The following TTC31 variants were observed in gnomAD, a reference collection of about 807,000 sequenced individuals.
The protein encoded by TTC31 is tetratricopeptide repeat protein 31.
A neutral mutation model predicts 60.4 loss-of-function variants in TTC31; 59 were observed. That is an observed-to-expected ratio of 0.98 (90% confidence interval 0.79 to 1.21). The LOEUF (loss-of-function observed/expected upper bound fraction) is 1.21, where lower values mean the gene tolerates loss of function less well. TTC31 is among the 50% of genes most tolerant of loss of function. The probability of loss-of-function intolerance (pLI) is 0.00; values close to 1 mark genes in which losing one functional copy is unlikely to be tolerated. For synonymous variants in TTC31, 225 were observed against 249.6 expected, an observed-to-expected ratio of 0.90 and a Z score of 0.93; for missense variants, 672 against 646.9, an observed-to-expected ratio of 1.04 and a Z score of -0.42.
Position 74,490,074 on chromosome 2 carries a change from T to G in TTC31, c.179T>G (p.Leu60Arg). Residue 60 changes from leucine (L) to arginine (R), a missense_variant, in exon 3 of 13, where the codon CTG becomes CGG. Leu to Arg is a moderately radical substitution (Grantham distance 102, BLOSUM62 -2). Coordinates refer to ENST00000233623, the MANE Select transcript of TTC31 (RefSeq NM_022492.6). ...CTTGTGGAGAGTGATCCCCAGGGCC[T>G]GCACCGGATCCATGTGGATGGGAGC... is the stretch of plus-strand genomic sequence containing the variant. ...RRLVESDPQG[L>R]HRIHVDGSSG... 1 of 1,569,998 alleles carries G rather than the reference T, an allele frequency of 6.4e-7. No individual in the cohort carries two copies. The highest frequency in any genetic ancestry group is 8.7e-7 in the Non-Finnish European group (1 of 1,155,642).
chr2:74,486,708 C>G (rs951345000), intron 2 of TTC31, among the ~76,000 whole-genome samples: 1 of 152,116 alleles, frequency 6.6e-6, no homozygotes, highest in African/African-American at 2.4e-5. Context: ...GCCTGACCAA[C>G]ATGAAGAAAC....
At chr2:74,491,267 A>G (rs1485627508) in intron 6 of TTC31, 28 bp from the exon 7 acceptor site, 1 of 1,614,040 alleles carries the variant, frequency 6.2e-7, no homozygotes, top group Non-Finnish European at 8.5e-7. Flanking sequence ...GGTGATCCCA[A>G]CTCTGTACCT....
At chr2:74,485,653 G>A (rs1673019266) in intron 2 of TTC31, among the ~76,000 whole-genome samples, 9 of 150,808 alleles carry the variant, frequency 6.0e-5, no homozygotes, top group Admixed American at 5.9e-4. Flanking sequence ...TGTATTTTTA[G>A]TAGAGACAGG....
intron 8 of TTC31, 129 bp downstream of exon 8, chr2:74,491,801 C>T: frequency 7.2e-7 from 1 of 1,396,400 alleles, no homozygotes; most frequent in Non-Finnish European, 9.9e-7. Context: ...GTCAAGAGAC[C>T]TACAGTCAGG....
chr2:74,488,394 A>G (rs546022530), intron 2 of TTC31, among the ~76,000 whole-genome samples: 1 of 152,274 alleles, frequency 6.6e-6, no homozygotes, highest in Admixed American at 6.5e-5. Flanking sequence ...ATAAGTCCAA[A>G]AGATCATTGG....
rs115795272 is a variant in TTC31, at chr2:74,493,460, C to T, written c.*242C>T. The T allele has an allele frequency of 2.1e-3, 1,077 of 512,586 alleles. 5 individuals are homozygous for T. Among genetic ancestry groups the T allele is most frequent in the African/African-American group, 0.012 (628 of 52,102 alleles). 31.8% of individuals were successfully genotyped at this position (512,586 alleles called of 1,614,324 possible). On this transcript the variant is annotated 3_prime_UTR_variant, in exon 13 of 13. Transcript: ENST00000233623. ...AGGCAGTAAGGAAAAATAAAACCCA[C>T]CAAGGCTCAAGAAGGGAACTATAGA...
intron 12 of TTC31, 29 bp from the exon 13 acceptor site, chr2:74,492,893 A>T (rs1674097846): frequency 1.9e-6 from 3 of 1,585,726 alleles, no homozygotes; most frequent in Admixed American, 1.7e-5. Flanking sequence ...TAAAAGAAGG[A>T]TCTGGTGCCC....
chr2:74,491,004 G>T, intron 5 of TTC31, 124 bp from the exon 6 acceptor site: 1 of 1,361,810 alleles, frequency 7.3e-7, no homozygotes, highest in Non-Finnish European at 1.0e-6. Context: ...TTTTTCACCT[G>T]CAAAATGAGG....
At chr2:74,486,553 G>A (rs1340263238) in intron 2 of TTC31, among the ~76,000 whole-genome samples, 1 of 152,168 alleles carries the variant, frequency 6.6e-6, no homozygotes, top group Admixed American at 6.6e-5. Flanking sequence ...AAAGCAAGAA[G>A]GAGGATAGGG....
Position 74,494,539 on chromosome 2 carries a change from T to TAAAC in TTC31, c.*1322_*1325dup, listed in dbSNP as rs1674264769. On this transcript the variant is annotated 3_prime_UTR_variant, in exon 13 of 13. Transcript: ENST00000233623. ...TGCCTGGTACATAGTGGGTGCTAAA[T>TAAAC]AAACCACTTTTTGTCTGCAACTGTC... The TAAAC allele has an allele frequency of 6.6e-6, 1 of 152,212 alleles. No individual in the cohort carries two copies. The highest frequency in any genetic ancestry group is 1.5e-5 in the Non-Finnish European group (1 of 68,030). The allele number at this position is 152,212 out of a possible 1,614,324, so 9.4% of individuals were successfully genotyped here. A position where few individuals can be genotyped will look rare whatever the true frequency, so the allele number is the denominator to read the frequency against.
At chr2:74,483,282 C>A in intron 1 of TTC31, 40 bp from the exon 2 acceptor site, 1 of 1,613,394 alleles carries the variant, frequency 6.2e-7, no homozygotes, top group Non-Finnish European at 8.5e-7. Context: ...GCCCATCTGT[C>A]CCGAGCCCGC....
At chr2:74,483,256 A>T in intron 1 of TTC31, 66 bp from the exon 2 acceptor site, 1 of 1,612,916 alleles carries the variant, frequency 6.2e-7, no homozygotes, top group Non-Finnish European at 8.5e-7. Context: ...TCGAGGGTAG[A>T]GTGGGGAGGA....
intron 8 of TTC31, 54 bp from the exon 9 acceptor site, chr2:74,491,950 G>A: frequency 3.1e-6 from 5 of 1,613,414 alleles, no homozygotes; most frequent in Non-Finnish European, 8.5e-7. Flanking sequence ...AAAGGAGAAG[G>A]ATTTGGGGAG....
At chr2:74,491,925 G>T in intron 8 of TTC31, 79 bp from the exon 9 acceptor site, 1 of 1,606,274 alleles carries the variant, frequency 6.2e-7, no homozygotes, top group Admixed American at 1.7e-5. Flanking sequence ...TAATTGCAGT[G>T]TTACCTGTTT....
chr2:74,490,770 G>T, intron 5 of TTC31, 31 bp downstream of exon 5: 1 of 1,595,006 alleles, frequency 6.3e-7, no homozygotes, highest in Non-Finnish European at 8.6e-7. Context: ...GGGTGCAGGG[G>T]AGCCAAAGGG....
Position 74,493,079 on chromosome 2 carries a change from C to T in TTC31, c.1421C>T (p.Pro474Leu), listed in dbSNP as rs771951189. ...SPGLSPLLHY[P>L]SCHRSHPNQP... is the part of the protein sequence containing the mutation. ...GGCCTGTCTCCACTCTTGCATTATC[C>T]TTCATGTCACCGAAGCCACCCCAAC... The change falls in exon 13 of 13, where the codon CCT becomes CTT. Residue 474 changes from proline (P) to leucine (L), a missense_variant. By Grantham distance (98) the Pro-to-Leu change is moderately conservative (BLOSUM62 -3). Transcript: ENST00000233623. The T allele has an allele frequency of 4.3e-6, 7 of 1,614,148 alleles. No homozygotes were observed. The highest frequency in any genetic ancestry group is 4.2e-6 in the Non-Finnish European group (5 of 1,180,008).
chr2:74,491,034 CAT>C (rs2104241308), intron 5 of TTC31, 92 bp from the exon 6 acceptor site: 8 of 1,519,198 alleles, frequency 5.3e-6, no homozygotes, highest in Non-Finnish European at 6.4e-6. Context: ...ATGCCTGTCT[CAT>C]AGAGCTGCAA....
rs777376804 is a variant in TTC31, at chr2:74,492,733, C to T, written c.1249C>T (p.Leu417Phe). The change falls in exon 12 of 13, where the codon CTC becomes TTC. Residue 417 changes from leucine to phenylalanine, a missense_variant. Leu to Phe is a conservative substitution (Grantham distance 22, BLOSUM62 0). Coordinates refer to ENST00000233623, the MANE Select transcript of TTC31 (RefSeq NM_022492.6). ...DAARELRSCL[L>F]HLTLQGQRGG... ...AGCCCGAGAGCTCCGCTCTTGCCTTCTCCACCTCACACTGGTAAGGGGGCC... is the reference window on the plus strand; with the variant it reads ...AGCCCGAGAGCTCCGCTCTTGCCTTTTCCACCTCACACTGGTAAGGGGGCC... 18 of 1,614,026 alleles carry T rather than the reference C, an allele frequency of 1.1e-5. No individual in the cohort carries two copies. The highest frequency in any genetic ancestry group is 1.5e-5 in the Non-Finnish European group (18 of 1,180,030).
rs1244589666 is a variant in TTC31, at chr2:74,491,283, T to C, written c.604-12T>C. ...GTGATCCCAACTCTGTACCTGTCTA[T>C]CTTTCTTCCAGGCCAGCACTACCTC... On this transcript the variant is annotated splice_polypyrimidine_tract_variant and intron_variant, in intron 6 of 12. Coordinates refer to ENST00000233623, the MANE Select transcript of TTC31 (RefSeq NM_022492.6). The C allele has an allele frequency of 3.7e-6, 6 of 1,614,018 alleles. No homozygotes were observed. Among genetic ancestry groups the C allele is most frequent in the Non-Finnish European group, 5.1e-6 (6 of 1,180,028 alleles).
Sources: gnomAD v4.1 joint callset for allele counts (sites outside exome capture counted in the v4.1 genomes callset) on GRCh38, gnomAD v4.1.1 for gene constraint, MANE v1.5 for transcripts, NCBI Gene and HGNC (gene_info 2026-07-23, HGNC 2026-07-21) for gene names.